Variants in GALNT17 observed in about 807,000 individuals in gnomAD.
The protein encoded by GALNT17 is UDP-GalNAc:polypeptide N-acetylgalactosaminyltransferase-like 3.
A neutral mutation model predicts 63.7 loss-of-function variants in GALNT17; 29 were observed. The ratio of observed to expected loss-of-function variants is 0.46; its 90% CI spans 0.34 to 0.62. The LOEUF (loss-of-function observed/expected upper bound fraction) is 0.62. Ranked by LOEUF, GALNT17 falls within the 20% of genes least tolerant of loss-of-function variation. The pLI, the probability that GALNT17 is intolerant of heterozygous loss-of-function variation, is 0.01. For missense variants in GALNT17, 603 were observed against 799.6 expected, an observed-to-expected ratio of 0.75 and a Z score of 2.97; for synonymous variants, 305 against 318.3, an observed-to-expected ratio of 0.96 and a Z score of 0.45.
intron 1 of GALNT17, among the ~76,000 whole-genome samples, chr7:71,198,847 C>T (rs1789106586): frequency 1.3e-5 from 2 of 152,194 alleles, no homozygotes; most frequent in African/African-American, 4.8e-5. Context: ...AGCACATTCC[C>T]TTCGTTTATG....
chr7:71,372,445 A>G (rs1331939209), intron 2 of GALNT17, among the ~76,000 whole-genome samples: 1 of 152,166 alleles, frequency 6.6e-6, no homozygotes, highest in African/African-American at 2.4e-5. Context: ...GATCATAGGC[A>G]TGAGCCACCA....
intron 1 of GALNT17, chr7:71,307,641 G>C (rs1758788641): frequency 6.5e-6 from 1 of 152,838 alleles, no homozygotes; most frequent in African/African-American, 2.4e-5. Context: ...CCCACTCTGT[G>C]CTCCGTTAAG....
rs1563001220 is a variant in GALNT17, at chr7:71,321,922, C to CCTTCCTTCCTTCCCCT, written c.239-13627_239-13626insTTCCTTCCTTCCCCTC. On this transcript the variant is annotated intron_variant, in intron 1 of 10. Transcript: ENST00000333538. ...TCCTTCCTTCCTTCCTTCCTTCCTT[C>CCTTCCTTCCTTCCCCT]CCCTCCCTCCCTCCCTCCCTCCCTT... is the stretch of plus-strand genomic sequence containing the variant. Among the ~76,000 whole-genome samples, 56 of 28,468 alleles carry CCTTCCTTCCTTCCCCT rather than the reference C, an allele frequency of 2.0e-3. 2 individuals carry two copies. Among genetic ancestry groups the CCTTCCTTCCTTCCCCT allele is most frequent in the African/African-American group, 6.4e-3 (45 of 6,994 alleles). The allele number at this position is 28,468 out of a possible 152,430, so 18.7% of individuals were successfully genotyped here. A position where few individuals can be genotyped will look rare whatever the true frequency, so the allele number is the denominator to read the frequency against.
chr7:71,599,945 G>T (rs566132298), intron 6 of GALNT17, among the ~76,000 whole-genome samples: 228 of 151,908 alleles, frequency 1.5e-3, no homozygotes, highest in Non-Finnish European at 2.5e-3. Flanking sequence ...CTACCCACCA[G>T]ATAACAGCCA....
At chr7:71,153,216 G>T (rs892603419) in intron 1 of GALNT17, among the ~76,000 whole-genome samples, 10 of 152,118 alleles carry the variant, frequency 6.6e-5, no homozygotes, top group Non-Finnish European at 2.9e-5. Context: ...ACATCAATGA[G>T]CCTCAGTTTA....
chr7:71,550,382 G>GT (rs142501817), intron 5 of GALNT17, among the ~76,000 whole-genome samples: 7 of 151,512 alleles, frequency 4.6e-5, no homozygotes, highest in African/African-American at 1.2e-4. Flanking sequence ...TTTTGTGTGT[G>GT]TTTTTTTTGT....
intron 5 of GALNT17, among the ~76,000 whole-genome samples, chr7:71,563,462 T>A (rs1047305134): frequency 7.2e-5 from 11 of 152,196 alleles, no homozygotes; most frequent in African/African-American, 2.7e-4. Context: ...CCCTCCCCAG[T>A]CAGAGGACAA....
intron 5 of GALNT17, among the ~76,000 whole-genome samples, chr7:71,531,104 T>G (rs1308045460): frequency 6.6e-6 from 1 of 152,218 alleles, no homozygotes; most frequent in African/African-American, 2.4e-5. Context: ...TTAAACCATT[T>G]TATTGTGATA....
intron 5 of GALNT17, among the ~76,000 whole-genome samples, chr7:71,491,906 C>G (rs1269581109): frequency 2.0e-5 from 3 of 152,140 alleles, no homozygotes; most frequent in Admixed American, 1.3e-4. Flanking sequence ...CCTGTAATCC[C>G]AGCACTTTGG....
intron 6 of GALNT17, among the ~76,000 whole-genome samples, chr7:71,621,526 G>GATGA (rs1790291203): frequency 9.5e-6 from 1 of 105,506 alleles, no homozygotes; most frequent in Admixed American, 1.0e-4. Flanking sequence ...TGGATGGATG[G>GATGA]ATGGATGGAT....
intron 5 of GALNT17, among the ~76,000 whole-genome samples, chr7:71,523,526 A>AG (rs1788564123): frequency 6.6e-6 from 1 of 151,938 alleles, no homozygotes; most frequent in Non-Finnish European, 1.5e-5. Context: ...AGGCTGAGGC[A>AG]GGCAGATAAC....
chr7:71,564,278 C>CTTTTTTTTTTTTTTTTTTTTTTT (rs10539122), intron 5 of GALNT17, among the ~76,000 whole-genome samples: 5 of 98,012 alleles, frequency 5.1e-5, no homozygotes, highest in Non-Finnish European at 7.7e-5. Flanking sequence ...CTTTTCTTTT[C>CTTTTTTTTTTTTTTTTTTTTTTT]TTTTTTTTTT....
intron 3 of GALNT17, among the ~76,000 whole-genome samples, chr7:71,395,053 G>C (rs891957312): frequency 6.6e-6 from 1 of 152,094 alleles, no homozygotes; most frequent in Admixed American, 6.6e-5. Flanking sequence ...ATTGAGCCGA[G>C]ATCATGCCAT....
intron 5 of GALNT17, among the ~76,000 whole-genome samples, chr7:71,506,627 A>G (rs941823719): frequency 2.6e-5 from 4 of 152,232 alleles, no homozygotes; most frequent in East Asian, 1.9e-4. Flanking sequence ...ATAATTGTAT[A>G]TATGTATGGG....
At chr7:71,279,354 C>T (rs1483761788) in intron 1 of GALNT17, among the ~76,000 whole-genome samples, 1 of 152,070 alleles carries the variant, frequency 6.6e-6, no homozygotes, top group Non-Finnish European at 1.5e-5. Context: ...ATAAGAACAT[C>T]ATGAGGGTAA....
At chr7:71,239,303 C>CG (rs991568502) in intron 1 of GALNT17, among the ~76,000 whole-genome samples, 6 of 150,924 alleles carry the variant, frequency 4.0e-5, no homozygotes, top group East Asian at 2.0e-4. Context: ...GTACCCCCCC[C>CG]CAAAAAAAAA....
At position 71,323,639 on chromosome 7, in the gene GALNT17, CAAT is replaced by C. The variant is rs1385224868; in HGVS notation, c.239-11910_239-11908del. ...CGTACTGATATATGAACTAGGGAAT[CAAT>C]GATGATTTGACATGAGTTAATGAAA... is the stretch of plus-strand genomic sequence containing the variant. On this transcript the variant is annotated intron_variant, in intron 1 of 10. Transcript: ENST00000333538. Among the ~76,000 whole-genome samples, 23 of 152,272 alleles carry C rather than the reference CAAT, an allele frequency of 1.5e-4. 1 individual carries two copies. The South Asian group carries it at 4.8e-3, about 32-fold the overall frequency.
intron 6 of GALNT17, among the ~76,000 whole-genome samples, chr7:71,584,496 A>G (rs914874787): frequency 6.6e-6 from 1 of 152,148 alleles, no homozygotes; most frequent in Admixed American, 6.5e-5. Context: ...GTCTCATTCC[A>G]TCTATAAATA....
intron 6 of GALNT17, among the ~76,000 whole-genome samples, chr7:71,621,493 TGATGGATA>T (rs1452683859): frequency 1.9e-4 from 12 of 63,814 alleles, no homozygotes; most frequent in African/African-American, 4.7e-4. Flanking sequence ...ATGGATGGAT[TGATGGATA>T]GATGGATGGA....
Sources: gnomAD v4.1 joint callset for allele counts (sites outside exome capture counted in the v4.1 genomes callset) on GRCh38, gnomAD v4.1.1 for gene constraint, MANE v1.5 for transcripts, NCBI Gene and HGNC (gene_info 2026-07-23, HGNC 2026-07-21) for gene names.